Variants in LAMB1 observed in about 807,000 individuals in gnomAD.
The protein encoded by LAMB1 is laminin subunit beta-1.
A neutral mutation model predicts 222.3 loss-of-function variants in LAMB1; 121 were observed. That is an observed-to-expected ratio of 0.54 (90% CI 0.47 to 0.63). The LOEUF is 0.63. Ranked by LOEUF, LAMB1 falls within the 30% of genes least tolerant of loss-of-function variation. The pLI, the probability that LAMB1 is intolerant of heterozygous loss-of-function variation, is 0.00. For synonymous variants in LAMB1, 794 were observed against 807.2 expected, an observed-to-expected ratio of 0.98 and a Z score of 0.28; for missense variants, 2,172 against 2,240.8, an observed-to-expected ratio of 0.97 and a Z score of 0.62.
intron 13 of LAMB1, among the ~76,000 whole-genome samples, chr7:107,970,941 C>A (rs1343000468): frequency 6.6e-6 from 1 of 152,090 alleles, no homozygotes; most frequent in Non-Finnish European, 1.5e-5. Context: ...CCATGTTGGC[C>A]TGGTTGGTCT....
chr7:107,980,958 T>C (rs1272890647), intron 7 of LAMB1, 147 bp from the exon 8 acceptor site: 7 of 594,544 alleles, frequency 1.2e-5, no homozygotes, highest in African/African-American at 1.9e-5. Context: ...ATGACTCCAA[T>C]AGTGAAGCCT....
chr7:107,962,707 C>CAAAA (rs57580761), intron 15 of LAMB1, among the ~76,000 whole-genome samples, 198 bp downstream of exon 15: 9 of 98,486 alleles, frequency 9.1e-5, no homozygotes, highest in East Asian at 6.4e-4. Flanking sequence ...GAGCGAGACT[C>CAAAA]AAAAAAAAAA....
rs2033480990 is a variant in LAMB1 at position 107,960,748 on chromosome 7, C to T, written c.2110-99G>A. 1.2e-5 allele frequency: 11 copies of T among 917,698 alleles called. No homozygotes were observed. The South Asian group carries it at 1.6e-4, about 14-fold the overall frequency. The allele number at this position is 917,698 out of a possible 1,614,324, so 56.8% of individuals were successfully genotyped here. A position where few individuals can be genotyped will look rare whatever the true frequency, so the allele number is the denominator to read the frequency against. ...TAGAAAACCCAAATGCTTCTTTGAC[C>T]CTTGAACAGAAATCATTAGACTCAT... On this transcript the variant is annotated intron_variant, in intron 17 of 33. Transcript: ENST00000222399.
chr7:108,003,063 G>T (rs912396651), intron 1 of LAMB1, 48 bp downstream of exon 1: 17 of 1,398,962 alleles, frequency 1.2e-5, no homozygotes, highest in South Asian at 1.5e-5. Flanking sequence ...GAAGCGGGGG[G>T]TGGGCTGGAA....
intron 13 of LAMB1, among the ~76,000 whole-genome samples, 172 bp downstream of exon 13, chr7:107,972,819 TA>T (rs1294319833): frequency 5.3e-5 from 8 of 152,332 alleles, no homozygotes; most frequent in African/African-American, 1.9e-4. Flanking sequence ...TACTTTGACT[TA>T]GCAGTTCCAT....
chr7:107,961,730 TAA>T, intron 15 of LAMB1, 54 bp from the exon 16 acceptor site: 2 of 1,567,250 alleles, frequency 1.3e-6, no homozygotes, highest in East Asian at 4.5e-5. Flanking sequence ...TGCCTGTTTA[TAA>T]AAAGACCTCT....
intron 27 of LAMB1, among the ~76,000 whole-genome samples, chr7:107,934,904 A>T (rs1370289253): frequency 4.3e-4 from 8 of 18,550 alleles, no homozygotes; most frequent in African/African-American, 2.8e-3. Flanking sequence ...CATCTCTTTA[A>T]AAAAAAAAAA....
At position 107,952,210 on chromosome 7, in the gene LAMB1, A is replaced by G; in HGVS notation, c.3093T>C (p.Asn1031=). 1.2e-6 allele frequency: 2 copies of G among 1,602,644 alleles called. No individual in the cohort carries two copies. The highest frequency in any genetic ancestry group is 1.7e-6 in the Non-Finnish European group (2 of 1,170,786). Residue 1031 remains asparagine (N), a synonymous_variant, in exon 23 of 34, where the codon AAT becomes AAC. Coordinates refer to ENST00000222399, the MANE Select transcript of LAMB1 (RefSeq NM_002291.3). ...LQQDCRKCVC[N]YLGTVQEHCN... ...AGTGCTCTTGCACGGTGCCCAGGTAATTACAGACACACTCTGCAAAAGAAC... is the reference window on the plus strand; with the variant it reads ...AGTGCTCTTGCACGGTGCCCAGGTAGTTACAGACACACTCTGCAAAAGAAC...
In LAMB1 at chr7:107,970,855, C is replaced by T. The variant is rs538423844; in HGVS notation, c.1562+2137G>A. ...CAAGCGATTCTCCCTGCCTCAGCCT[C>T]CCAAGTAGCTGAGATTACAGGTAGG... On this transcript the variant is annotated intron_variant, in intron 13 of 33. Transcript: ENST00000222399. 2.6e-5 allele frequency among the ~76,000 whole-genome samples: 4 copies of T among 152,142 alleles called. No individual in the cohort carries two copies. In the East Asian group the frequency reaches 7.8e-4, roughly 30 times the overall value.
intron 4 of LAMB1, among the ~76,000 whole-genome samples, chr7:107,996,359 T>C (rs1167940371): frequency 2.0e-5 from 3 of 152,258 alleles, no homozygotes; most frequent in South Asian, 4.2e-4. Flanking sequence ...TATAGTGTAT[T>C]TGATTTCTGT....
intron 5 of LAMB1, among the ~76,000 whole-genome samples, chr7:107,993,710 G>A (rs1033156064): frequency 1.3e-5 from 2 of 152,216 alleles, no homozygotes; most frequent in Non-Finnish European, 2.9e-5. Flanking sequence ...TAACATCCTT[G>A]TAGGCCGATG....
At chr7:107,940,497 G>C in intron 24 of LAMB1, 139 bp from the exon 25 acceptor site, 1 of 861,398 alleles carries the variant, frequency 1.2e-6, no homozygotes, top group Non-Finnish European at 1.8e-6. Flanking sequence ...GGCTCAGGTA[G>C]AGACTGTAGC....
At chr7:107,940,636 T>C in intron 24 of LAMB1, 2 of 390,038 alleles carry the variant, frequency 5.1e-6, no homozygotes, top group South Asian at 3.9e-5. Context: ...GGGATACGTG[T>C]TATAATAATC....
chr7:107,980,328 T>TA (rs2033947560), intron 8 of LAMB1, among the ~76,000 whole-genome samples: 1 of 152,246 alleles, frequency 6.6e-6, no homozygotes, highest in Non-Finnish European at 1.5e-5. Flanking sequence ...GACAACTTTT[T>TA]AATCCTTGTT....
rs1422487449 is a variant in LAMB1 at position 107,975,367 on chromosome 7, G to T, written c.1236C>A (p.Asp412Glu). 1 of 1,613,604 alleles carries T rather than the reference G, an allele frequency of 6.2e-7. No homozygotes were observed. The highest frequency in any genetic ancestry group is 1.3e-5 in the African/African-American group (1 of 74,870). ...GACCAGTAGAAAAATCAGTATAGCTGTCACAAATTCCCTCATTTTGAGAGC... is the reference window on the plus strand; with the variant it reads ...GACCAGTAGAAAAATCAGTATAGCTTTCACAAATTCCCTCATTTTGAGAGC... ...PAGSQNEGICDSYTDFSTGLI... is the reference protein window; with the variant it reads ...PAGSQNEGICESYTDFSTGLI... Residue 412 changes from aspartate (D) to glutamate (E), a missense_variant, in exon 11 of 34, where the codon GAC becomes GAA. Asp to Glu is a conservative substitution (Grantham distance 45). Transcript: ENST00000222399.
intron 20 of LAMB1, among the ~76,000 whole-genome samples, chr7:107,956,432 T>G (rs962660405): frequency 2.0e-5 from 3 of 152,202 alleles, no homozygotes; most frequent in Non-Finnish European, 4.4e-5. Context: ...GCTGCTGATC[T>G]AGGGATCCTA....
At chr7:107,966,203 TTTA>T (rs1453708902) in intron 13 of LAMB1, among the ~76,000 whole-genome samples, 2 of 152,034 alleles carry the variant, frequency 1.3e-5, no homozygotes, top group South Asian at 2.1e-4. Flanking sequence ...AGGAACTCTT[TTTA>T]TTATTATTAT....
At chr7:107,972,969 A>G (rs2033779180) in intron 13 of LAMB1, 23 bp downstream of exon 13, 3 of 1,570,900 alleles carry the variant, frequency 1.9e-6, no homozygotes, top group Non-Finnish European at 1.8e-6. Flanking sequence ...TGAGGACAAG[A>G]GCATACGTAG....
chr7:107,981,161 A>G (rs1291221216), intron 7 of LAMB1, among the ~76,000 whole-genome samples: 1 of 152,024 alleles, frequency 6.6e-6, no homozygotes, highest in Non-Finnish European at 1.5e-5. Flanking sequence ...AAATACAAAA[A>G]TTAGACCGGG....
Sources: allele counts gnomAD v4.1 joint callset (sites outside exome capture counted in the v4.1 genomes callset), GRCh38; gene constraint gnomAD v4.1.1; transcripts MANE v1.5; gene names NCBI Gene and HGNC (gene_info 2026-07-23, HGNC 2026-07-21).